The following KYNU variants were observed in gnomAD, a reference collection of about 807,000 sequenced individuals.
The protein encoded by KYNU is kynureninase.
Under a neutral mutation model 59.2 loss-of-function variants are expected in KYNU, and 54 were observed. The ratio of observed to expected loss-of-function variants is 0.91; its 90% CI spans 0.73 to 1.14. The LOEUF (loss-of-function observed/expected upper bound fraction) is 1.14, where lower values mean the gene tolerates loss of function less well. Among genes scored for constraint, KYNU ranks in the 50% most tolerant of loss-of-function variants. KYNU has a pLI of 0.00. For synonymous variants in KYNU, 177 were observed against 192.0 expected (o/e 0.92, Z 0.65); for missense variants, 567 against 554.4 (o/e 1.02, Z -0.23).
intron 1 of KYNU, among the ~76,000 whole-genome samples, chr2:142,878,909 A>T (rs1573739289): frequency 1.3e-5 from 2 of 152,230 alleles, no homozygotes; most frequent in East Asian, 3.8e-4. Flanking sequence ...GTAAAATTTA[A>T]CTTTAAATAA....
At chr2:142,953,307 C>A (rs164736) in intron 4 of KYNU, among the ~76,000 whole-genome samples, 15,397 of 152,150 alleles carry the variant, frequency 0.1, 1,908 homozygotes, top group African/African-American at 0.29. Context: ...TCTCAGGGAA[C>A]GGCAAGAATG....
At chr2:142,939,840 G>A (rs1045072038) in intron 4 of KYNU, among the ~76,000 whole-genome samples, 2 of 152,200 alleles carry the variant, frequency 1.3e-5, no homozygotes, top group African/African-American at 4.8e-5. Context: ...AGCTCACGTG[G>A]AGTCAGGCTC....
rs1432327836 is a variant in KYNU, at chr2:142,953,851, T to C, written c.374-959T>C. Reference sequence around the variant, plus strand: ...TATAAATTCTTAAATTATATACTTATTTACATGGCTTCTCCCCTCTAGTGA... The same window carrying C: ...TATAAATTCTTAAATTATATACTTACTTACATGGCTTCTCCCCTCTAGTGA... On this transcript the variant is annotated intron_variant, in intron 4 of 13. Coordinates refer to ENST00000264170, the MANE Select transcript of KYNU (RefSeq NM_003937.3). 2.6e-5 allele frequency among the ~76,000 whole-genome samples: 4 copies of C among 152,296 alleles called. No homozygotes were observed. The South Asian group carries it at 8.3e-4, about 32-fold the overall frequency.
At chr2:142,950,010 A>G (rs562966406) in intron 4 of KYNU, among the ~76,000 whole-genome samples, 1 of 152,262 alleles carries the variant, frequency 6.6e-6, no homozygotes, top group Admixed American at 6.5e-5. Context: ...AAGTTCCATA[A>G]ATTTCTAGGG....
chr2:142,927,000 T>C (rs1246200296), intron 3 of KYNU, among the ~76,000 whole-genome samples: 1 of 152,258 alleles, frequency 6.6e-6, no homozygotes, highest in East Asian at 1.9e-4. Flanking sequence ...ATTTGCCTTC[T>C]TCATTTCATG....
intron 10 of KYNU, among the ~76,000 whole-genome samples, chr2:143,028,243 CTTTTTTTTT>C (rs754504556): frequency 1.1e-5 from 1 of 90,430 alleles, no homozygotes; most frequent in African/African-American, 4.3e-5. Flanking sequence ...ATTTTACATT[CTTTTTTTTT>C]TTTTTTTTTT....
At chr2:143,002,091 G>A (rs888742253) in intron 10 of KYNU, among the ~76,000 whole-genome samples, 1 of 152,168 alleles carries the variant, frequency 6.6e-6, no homozygotes, top group African/African-American at 2.4e-5. Context: ...CAAACAATTA[G>A]AATCTTCGGT....
chr2:142,938,194 T>C (rs542899084), intron 4 of KYNU, among the ~76,000 whole-genome samples: 1 of 152,230 alleles, frequency 6.6e-6, no homozygotes, highest in Non-Finnish European at 1.5e-5. Context: ...AGTGACTGCT[T>C]TTTGGTTTGG....
chr2:142,947,367 C>A, intron 4 of KYNU: 1 of 801,812 alleles, frequency 1.2e-6, no homozygotes, highest in Non-Finnish European at 1.9e-6. Flanking sequence ...GCTTACTGTA[C>A]TGTGTCTTTT....
At chr2:142,980,222 A>T (rs1685012487) in intron 8 of KYNU, among the ~76,000 whole-genome samples, 2 of 144,282 alleles carry the variant, frequency 1.4e-5, no homozygotes, top group South Asian at 4.1e-4. Context: ...TAATGCTAAT[A>T]ATTAGCTTAT....
At chr2:142,962,902 G>T (rs1411708439) in intron 8 of KYNU, among the ~76,000 whole-genome samples, 1 of 152,128 alleles carries the variant, frequency 6.6e-6, no homozygotes, top group African/African-American at 2.4e-5. Flanking sequence ...GAATAAAACT[G>T]AAGAGAGAGG....
chr2:142,966,101 T>A (rs993381916), intron 8 of KYNU, among the ~76,000 whole-genome samples: 1 of 152,154 alleles, frequency 6.6e-6, no homozygotes, highest in Non-Finnish European at 1.5e-5. Context: ...CATCTTGAGG[T>A]ATGAATAGAC....
At chr2:143,029,708 TTTTTA>T in intron 11 of KYNU, 29 bp downstream of exon 11, 1 of 1,244,576 alleles carries the variant, frequency 8.0e-7, no homozygotes, top group Non-Finnish European at 1.2e-6. Context: ...CCTAATGCCA[TTTTTA>T]TTTTAACTTT....
At chr2:143,019,027 C>T (rs1343771966) in intron 10 of KYNU, among the ~76,000 whole-genome samples, 1 of 151,684 alleles carries the variant, frequency 6.6e-6, no homozygotes, top group Non-Finnish European at 1.5e-5. Flanking sequence ...GTTTCAGGGC[C>T]CTTTTGAAAG....
chr2:142,899,811 T>G (rs1034050083), intron 2 of KYNU, among the ~76,000 whole-genome samples: 1 of 152,196 alleles, frequency 6.6e-6, no homozygotes, highest in African/African-American at 2.4e-5. Context: ...CAGGGGAATA[T>G]TTCTTTGGCA....
rs1685187771 is a variant in KYNU, at chr2:142,986,022, G to GT, written c.902+2dup. The GT allele has an allele frequency of 6.9e-6, 11 of 1,603,802 alleles. No homozygotes were observed. The highest frequency in any genetic ancestry group is 8.5e-6 in the Non-Finnish European group (10 of 1,171,570). Reference sequence around the variant, plus strand: ...AGCATGCCCATACGATTAAACCTGCGTGAGTACCATCTTCAGCTAATTCTT... The same window carrying GT: ...AGCATGCCCATACGATTAAACCTGCGTTGAGTACCATCTTCAGCTAATTCTT... On this transcript the variant is annotated splice_donor_variant, in intron 10 of 13. Transcript: ENST00000264170. LOFTEE classifies it high-confidence loss of function.
At position 143,040,309 on chromosome 2, in the gene KYNU, G is replaced by C. The variant is rs547731694; in HGVS notation, c.1042-119G>C. The C allele has an allele frequency of 3.4e-4, 240 of 714,474 alleles. 1 individual carries two copies. In the South Asian group the frequency reaches 3.4e-3, roughly 10 times the overall value. The allele number at this position is 714,474 out of a possible 1,614,324, so 44.3% of individuals were successfully genotyped here. A position where few individuals can be genotyped will look rare whatever the true frequency, so the allele number is the denominator to read the frequency against. On this transcript the variant is annotated intron_variant, in intron 12 of 13. Transcript: ENST00000264170. ...TTTACACAAAAAGATTATGTAAAGG[G>C]AGATATTTATTGGAAAGATCAAATA... is the stretch of plus-strand genomic sequence containing the variant.
At chr2:143,009,702 C>G (rs1184506835) in intron 10 of KYNU, among the ~76,000 whole-genome samples, 2 of 98,850 alleles carry the variant, frequency 2.0e-5, no homozygotes, top group Non-Finnish European at 3.7e-5. Flanking sequence ...CATCAAAAAG[C>G]TTATCCACCA....
Position 143,033,272 on chromosome 2 carries a change from T to C in KYNU, c.992T>C (p.Ile331Thr). ...QLIPGVCGFRISNPPILLVCS... is the reference protein window; with the variant it reads ...QLIPGVCGFRTSNPPILLVCS... ...ATCCCTGGGGTCTGTGGATTCCGAATTTCAAATCCTCCCATTTTGTTGGTC... is the reference window on the plus strand; with the variant it reads ...ATCCCTGGGGTCTGTGGATTCCGAACTTCAAATCCTCCCATTTTGTTGGTC... Residue 331 changes from isoleucine to threonine, a missense_variant, in exon 12 of 14, where the codon ATT (isoleucine) becomes ACT (threonine). Physicochemically the swap from Ile to Thr is moderately conservative, Grantham distance 89. Coordinates refer to ENST00000264170, the MANE Select transcript of KYNU (RefSeq NM_003937.3). The C allele has an allele frequency of 6.2e-7, 1 of 1,613,918 alleles. No individual in the cohort carries two copies. Among genetic ancestry groups the C allele is most frequent in the Non-Finnish European group, 8.5e-7 (1 of 1,179,772 alleles).
Sources: allele counts gnomAD v4.1 joint callset (sites outside exome capture counted in the v4.1 genomes callset), GRCh38; gene constraint gnomAD v4.1.1; transcripts MANE v1.5; gene names NCBI Gene and HGNC (gene_info 2026-07-23, HGNC 2026-07-21).